Variants in DNAH14 observed in about 807,000 individuals in gnomAD.
DNAH14 encodes the protein dynein axonemal heavy chain 14, also known as axonemal beta dynein heavy chain 14.
DNAH14 carries 478 observed loss-of-function variants against 520.9 expected under a neutral mutation model. That is an observed-to-expected ratio of 0.92 (90% CI 0.85 to 0.99). DNAH14 has a LOEUF of 0.99. Among genes scored for constraint, DNAH14 ranks in the 50% least tolerant of loss-of-function variants. The pLI, the probability that DNAH14 is intolerant of heterozygous loss-of-function variation, is 0.00. For synonymous variants in DNAH14, 1,581 were observed against 1,757.2 expected (o/e 0.90, Z 2.51); for missense variants, 4,831 against 5,234.5 (o/e 0.92, Z 2.38).
chr1:225,333,175 C>T, intron 65 of DNAH14, 116 bp from the exon 66 acceptor site: 1 of 807,856 alleles, frequency 1.2e-6, no homozygotes, highest in Non-Finnish European at 1.9e-6. Context: ...ACAGCCACAG[C>T]TTGAGAACAG....
intron 41 of DNAH14, among the ~76,000 whole-genome samples, chr1:225,226,538 G>C (rs2149537626): frequency 6.6e-6 from 1 of 152,336 alleles, no homozygotes; most frequent in South Asian, 2.1e-4. Flanking sequence ...CTGTCACGGA[G>C]GACAAGCCCG....
chr1:225,089,794 G>A (rs1394699024), intron 21 of DNAH14, among the ~76,000 whole-genome samples: 1 of 152,086 alleles, frequency 6.6e-6, no homozygotes, highest in Non-Finnish European at 1.5e-5. Context: ...ATTAAAATAT[G>A]TCTCAACAAA....
intron 78 of DNAH14, among the ~76,000 whole-genome samples, chr1:225,376,163 A>G (rs1315405414): frequency 1.3e-5 from 2 of 152,134 alleles, no homozygotes; most frequent in Non-Finnish European, 2.9e-5. Flanking sequence ...GTGGTGGCTC[A>G]TGCCTATAAT....
chr1:225,130,055 G>A (rs1462818933), intron 27 of DNAH14, among the ~76,000 whole-genome samples: 2 of 152,110 alleles, frequency 1.3e-5, no homozygotes, highest in East Asian at 1.9e-4. Context: ...GCAGCCAAAA[G>A]ACACATGAAA....
chr1:225,024,883 T>C (rs578186209), intron 11 of DNAH14, among the ~76,000 whole-genome samples: 1 of 152,280 alleles, frequency 6.6e-6, no homozygotes, highest in South Asian at 2.1e-4. Flanking sequence ...AAAACAAATA[T>C]CACCCTTAAT....
rs561390758 is a variant in DNAH14 at position 225,237,241 on chromosome 1, G to A, written c.6519-3352G>A. On this transcript the variant is annotated intron_variant, in intron 42 of 85. Transcript: ENST00000682510. The stretch of plus-strand genomic sequence containing the variant: ...CCTGTGTACTTCAGTGCATTTTTAT[G>A]GAGGCTCATAAAGGATTTTTTTTTT... Among the ~76,000 whole-genome samples, 9 of 152,214 alleles carry A rather than the reference G, an allele frequency of 5.9e-5. No homozygotes were observed. In the East Asian group the frequency reaches 1.7e-3, roughly 29 times the overall value.
chr1:224,934,213 A>G (rs2058881739), intron 1 of DNAH14, among the ~76,000 whole-genome samples: 1 of 152,098 alleles, frequency 6.6e-6, no homozygotes. Context: ...TCTCAGATAC[A>G]GAACTCAAAA....
Position 224,929,823 on chromosome 1 carries a change from C to G in DNAH14, c.-46C>G, listed in dbSNP as rs995735065. 2.8e-4 allele frequency: 193 copies of G among 693,440 alleles called. No homozygotes were observed. Among genetic ancestry groups the G allele is most frequent in the Non-Finnish European group, 4.1e-4 (156 of 378,510 alleles). 43.0% of individuals were successfully genotyped at this position (693,440 alleles called of 1,614,324 possible). On this transcript the variant is annotated 5_prime_UTR_variant, in exon 1 of 86. Coordinates refer to ENST00000682510, the MANE Select transcript of DNAH14 (RefSeq NM_001367479.1). ...GGAAGGGCCACAACGGCCGTCGGAC[C>G]ACGGCGCGGCGGGTAAGGTCGTCAG...
At chr1:225,014,868 T>C (rs1379327237) in intron 10 of DNAH14, among the ~76,000 whole-genome samples, 1 of 152,232 alleles carries the variant, frequency 6.6e-6, no homozygotes, top group Non-Finnish European at 1.5e-5. Flanking sequence ...CTGTCTAGAT[T>C]ATCTATTTGA....
chr1:225,308,852 C>A (rs1302283469), intron 60 of DNAH14, among the ~76,000 whole-genome samples: 1 of 152,182 alleles, frequency 6.6e-6, no homozygotes, highest in Non-Finnish European at 1.5e-5. Flanking sequence ...TTAGCAAGAG[C>A]CAGTGTGGTT....
At chr1:225,180,517 C>T (rs561651391) in intron 36 of DNAH14, among the ~76,000 whole-genome samples, 12 of 152,018 alleles carry the variant, frequency 7.9e-5, no homozygotes, top group East Asian at 1.9e-4. Context: ...AGATGTAACA[C>T]GGTAAGATAG....
chr1:225,071,648 G>C (rs2071557131), intron 17 of DNAH14, among the ~76,000 whole-genome samples: 1 of 152,058 alleles, frequency 6.6e-6, no homozygotes, highest in African/African-American at 2.4e-5. Flanking sequence ...ACCTAAGATT[G>C]GGTAATTTAT....
chr1:225,080,221 C>CT (rs1558890134), intron 18 of DNAH14, among the ~76,000 whole-genome samples, 158 bp from the exon 19 acceptor site: 1 of 152,160 alleles, frequency 6.6e-6, no homozygotes, highest in Admixed American at 6.5e-5. Context: ...CTGGGCCAAT[C>CT]TTTATCTTTG....
intron 64 of DNAH14, among the ~76,000 whole-genome samples, chr1:225,327,191 A>C: frequency 6.7e-6 from 1 of 149,554 alleles, no homozygotes; most frequent in Non-Finnish European, 1.5e-5. Context: ...GGAGTCTTGC[A>C]CTCTCGCCCA....
At chr1:224,938,176 C>A (rs2501072) in intron 1 of DNAH14, among the ~76,000 whole-genome samples, 22,962 of 151,950 alleles carry the variant, frequency 0.15, 3,200 homozygotes, top group African/African-American at 0.36. Flanking sequence ...CACTGACAAC[C>A]AAAGCAAAAA....
At chr1:225,286,799 A>G (rs898002106) in intron 54 of DNAH14, among the ~76,000 whole-genome samples, 1 of 152,232 alleles carries the variant, frequency 6.6e-6, no homozygotes, top group South Asian at 2.1e-4. Context: ...AACTTTATTC[A>G]TAATCACCAA....
chr1:224,976,580 C>G (rs1165085013), intron 8 of DNAH14, among the ~76,000 whole-genome samples: 1 of 152,026 alleles, frequency 6.6e-6, no homozygotes, highest in Non-Finnish European at 1.5e-5. Context: ...ATTTTCGCAA[C>G]CTGCTCATCT....
intron 53 of DNAH14, among the ~76,000 whole-genome samples, chr1:225,277,125 CGGGGAAG>C (rs1199786859): frequency 8.0e-5 from 2 of 25,052 alleles, no homozygotes; most frequent in East Asian, 1.8e-3. Flanking sequence ...GGGAGGGGGA[CGGGGAAG>C]GGGGAAGGGA....
chr1:225,357,536 A>G (rs2150521490), intron 73 of DNAH14, among the ~76,000 whole-genome samples: 1 of 152,320 alleles, frequency 6.6e-6, no homozygotes, highest in African/African-American at 2.4e-5. Flanking sequence ...CTAACTGGGT[A>G]TTCTAAGTGA....
Sources: allele counts gnomAD v4.1 joint callset (sites outside exome capture counted in the v4.1 genomes callset), GRCh38; gene constraint gnomAD v4.1.1; transcripts MANE v1.5; gene names NCBI Gene and HGNC (gene_info 2026-07-23, HGNC 2026-07-21).